RCBTB2: variants seen among roughly 807,000 people sequenced by gnomAD.
RCBTB2 encodes RCC1 and BTB domain-containing protein 2.
A neutral mutation model predicts 65.4 loss-of-function variants in RCBTB2; 55 were observed. The observed-to-expected ratio is 0.84, with a 90% confidence interval of 0.68 to 1.05. The LOEUF (loss-of-function observed/expected upper bound fraction) is 1.05, where lower values mean the gene tolerates loss of function less well. RCBTB2 is among the 50% of genes least tolerant of loss of function. The pLI is 0.00. For synonymous variants in RCBTB2, 220 were observed against 255.2 expected (o/e 0.86, Z 1.31); for missense variants, 599 against 680.1 (o/e 0.88, Z 1.33).
At chr13:48,520,356 T>C (rs572264349) in intron 4 of RCBTB2, among the ~76,000 whole-genome samples, 1 of 152,120 alleles carries the variant, frequency 6.6e-6, no homozygotes, top group Non-Finnish European at 1.5e-5. Flanking sequence ...GAGCCAAGTA[T>C]GGTCAAGAGA....
At chr13:48,529,624 C>G (rs1292665383) in intron 1 of RCBTB2, among the ~76,000 whole-genome samples, 3 of 152,186 alleles carry the variant, frequency 2.0e-5, no homozygotes, top group African/African-American at 7.2e-5. Context: ...TTCCTGGAAA[C>G]TTTCACGTTG....
Position 48,510,633 on chromosome 13 carries a change from C to T in RCBTB2, c.922G>A (p.Asp308Asn), listed in dbSNP as rs2138526631. Residue 308 changes from aspartate to asparagine, a missense_variant, in exon 10 of 15, where the codon GAC becomes AAC. Coordinates refer to ENST00000344532, the MANE Select transcript of RCBTB2 (RefSeq NM_001268.4). ...SYPTPVTVEK[D>N]RIIEIAACHS... is the part of the protein sequence containing the mutation. ...CTGTGAAAATGCCCGTGTTACCTGT[C>T]CTTTTCCACAGTGACAGGAGTAGGA... is the stretch of plus-strand genomic sequence containing the variant. The T allele has an allele frequency of 6.2e-7, 1 of 1,614,052 alleles. No homozygotes were observed. Among genetic ancestry groups the T allele is most frequent in the East Asian group, 2.2e-5 (1 of 44,888 alleles).
chr13:48,514,609 C>T (rs778907410), intron 6 of RCBTB2, among the ~76,000 whole-genome samples: 44 of 152,318 alleles, frequency 2.9e-4, no homozygotes, highest in Non-Finnish European at 5.3e-4. Context: ...TCTATCATGC[C>T]CTTAAGGCAC....
chr13:48,516,096 C>CAGAG (rs10567858), intron 4 of RCBTB2, among the ~76,000 whole-genome samples: 26 of 149,494 alleles, frequency 1.7e-4, no homozygotes, highest in Admixed American at 2.7e-4. Context: ...GCAAGAGAGA[C>CAGAG]AGAGAGAGAG....
chr13:48,515,070 G>T, intron 6 of RCBTB2, 135 bp downstream of exon 6: 1 of 792,180 alleles, frequency 1.3e-6, no homozygotes, highest in Non-Finnish European at 2.0e-6. Context: ...CTGGCATTCA[G>T]ATACATTCAT....
intron 6 of RCBTB2, among the ~76,000 whole-genome samples, chr13:48,513,223 C>G (rs191284335): frequency 1.3e-5 from 2 of 152,172 alleles, no homozygotes; most frequent in Non-Finnish European, 2.9e-5. Context: ...CTTAACTCCC[C>G]TAGGTCTTAA....
chr13:48,512,952 A>C, intron 6 of RCBTB2, 57 bp from the exon 7 acceptor site: 1 of 1,417,614 alleles, frequency 7.1e-7, no homozygotes, highest in Non-Finnish European at 9.8e-7. Flanking sequence ...ATTATACGAA[A>C]ATATATGTAG....
intron 10 of RCBTB2, chr13:48,504,317 C>T (rs1195389992): frequency 3.0e-6 from 3 of 985,328 alleles, no homozygotes; most frequent in Non-Finnish European, 1.2e-6. Flanking sequence ...AATCCTGACA[C>T]AAGACATAAC....
intron 2 of RCBTB2, 67 bp from the exon 3 acceptor site, chr13:48,522,470 T>C (rs1951484165): frequency 1.3e-6 from 1 of 751,096 alleles, no homozygotes; most frequent in African/African-American, 1.8e-5. Flanking sequence ...GTGGCTTTGT[T>C]ATTCTGGACT....
At chr13:48,496,645 C>T (rs1365055936) in intron 13 of RCBTB2, among the ~76,000 whole-genome samples, 1 of 151,432 alleles carries the variant, frequency 6.6e-6, no homozygotes, top group African/African-American at 2.4e-5. Context: ...GTCAGCTTCT[C>T]CTGGGCCACT....
At chr13:48,490,595 A>G (rs1328398350) in intron 14 of RCBTB2, among the ~76,000 whole-genome samples, 1 of 152,198 alleles carries the variant, frequency 6.6e-6, no homozygotes, top group Non-Finnish European at 1.5e-5. Context: ...TTCACTTTCA[A>G]TAATTGTTAA....
chr13:48,523,147 T>C (rs1459189014), intron 2 of RCBTB2, among the ~76,000 whole-genome samples: 4 of 152,226 alleles, frequency 2.6e-5, no homozygotes, highest in East Asian at 1.9e-4. Context: ...ATTGACAATA[T>C]GGAAAGATAT....
In RCBTB2 at chr13:48,489,980, CCTT is replaced by C; in HGVS notation, c.*128_*130del. 1 of 974,120 alleles carries C rather than the reference CCTT, an allele frequency of 1.0e-6. No homozygotes were observed. The highest frequency in any genetic ancestry group is 2.5e-5 in the East Asian group (1 of 40,412). The allele number at this position is 974,120 out of a possible 1,614,324, so 60.3% of individuals were successfully genotyped here. On this transcript the variant is annotated 3_prime_UTR_variant, in exon 15 of 15. Transcript: ENST00000344532. Reference sequence around the variant, plus strand: ...GCAGACAAAGACCACTCACCACCATCCTTCTTCTGACAGTTACAAGTACTCAGC... The same window carrying C: ...GCAGACAAAGACCACTCACCACCATCCTTCTGACAGTTACAAGTACTCAGC...
chr13:48,512,739 G>C lies in RCBTB2; in HGVS notation c.506C>G (p.Ser169Cys). 1 of 1,613,784 alleles carries C rather than the reference G, an allele frequency of 6.2e-7. No individual in the cohort carries two copies. The highest frequency in any genetic ancestry group is 8.5e-7 in the Non-Finnish European group (1 of 1,179,750). ...CGSYHSLVLT[S>C]DGEVFAWGYN... Reference sequence around the variant, plus strand: ...GCTGACTGTTCTCACCTCTCCATCAGATGTTAGCACCAAAGAATGGTAAGA... The same window carrying C: ...GCTGACTGTTCTCACCTCTCCATCACATGTTAGCACCAAAGAATGGTAAGA... The change falls in exon 7 of 15, where the codon TCT becomes TGT. Residue 169 changes from serine (S) to cysteine (C), a missense_variant. Physicochemically the swap from Ser to Cys is moderately radical, Grantham distance 112 (BLOSUM62 -1). Transcript: ENST00000344532.
At chr13:48,512,656 T>C (rs1042109127) in intron 7 of RCBTB2, 73 bp downstream of exon 7, 66 of 1,227,474 alleles carry the variant, frequency 5.4e-5, no homozygotes, top group Non-Finnish European at 6.8e-5. Flanking sequence ...ATGATTGTAT[T>C]TCCAGGACTA....
rs985644170 is a variant in RCBTB2, at chr13:48,520,245, C to A, written c.42+1653G>T. On this transcript the variant is annotated intron_variant, in intron 4 of 14. Transcript: ENST00000344532. ...TTCACACAATAGTCCCCCATAGGAGCCTCAATCTATCTGCAGCCATTCTGC... is the reference window on the plus strand; with the variant it reads ...TTCACACAATAGTCCCCCATAGGAGACTCAATCTATCTGCAGCCATTCTGC... 2.6e-5 allele frequency among the ~76,000 whole-genome samples: 4 copies of A among 152,244 alleles called. No homozygotes were observed. In the East Asian group the frequency reaches 7.7e-4, roughly 29 times the overall value.
At position 48,502,936 on chromosome 13, in the gene RCBTB2, A is replaced by T. The variant is rs773484003; in HGVS notation, c.927-22T>A. 20 of 1,554,714 alleles carry T rather than the reference A, an allele frequency of 1.3e-5. No homozygotes were observed. In the South Asian group the frequency reaches 2.3e-4, roughly 18 times the overall value. ...AATCCTAAATTCACAAACACACACC[A>T]CATAAGCACAGTGACCGGGGCAGAA... On this transcript the variant is annotated intron_variant, in intron 10 of 14. Transcript: ENST00000344532.
rs190220741 is a variant in RCBTB2 at position 48,504,449 on chromosome 13, G to C, written c.927-1535C>G. On this transcript the variant is annotated intron_variant, in intron 10 of 14. Transcript: ENST00000344532. ...CAATGACTTCATACATGGTTGTTCAGGAATGTTCTTTCTCTCTGCCTTACA... is the reference window on the plus strand; with the variant it reads ...CAATGACTTCATACATGGTTGTTCACGAATGTTCTTTCTCTCTGCCTTACA... 5.0e-5 allele frequency: 27 copies of C among 535,538 alleles called. No individual in the cohort carries two copies. In the East Asian group the frequency reaches 2.8e-3, roughly 56 times the overall value. The allele number at this position is 535,538 out of a possible 1,614,324, so 33.2% of individuals were successfully genotyped here. A position where few individuals can be genotyped will look rare whatever the true frequency, so the allele number is the denominator to read the frequency against.
At chr13:48,519,478 T>C (rs1408633311) in intron 4 of RCBTB2, among the ~76,000 whole-genome samples, 4 of 152,212 alleles carry the variant, frequency 2.6e-5, no homozygotes, top group African/African-American at 9.7e-5. Context: ...CTAGGCTTTC[T>C]TCCTGGCCCA....
Sources: gnomAD v4.1 joint callset for allele counts (sites outside exome capture counted in the v4.1 genomes callset) on GRCh38, gnomAD v4.1.1 for gene constraint, MANE v1.5 for transcripts, NCBI Gene and HGNC (gene_info 2026-07-23, HGNC 2026-07-21) for gene names.